Variants in LCLAT1 observed in about 807,000 individuals in gnomAD.
LCLAT1 encodes the protein lysocardiolipin acyltransferase 1, also known as 1-AGP acyltransferase 8.
LCLAT1 carries 11 observed loss-of-function variants against 30.7 expected under a neutral mutation model. That is an observed-to-expected ratio of 0.36 (90% CI 0.23 to 0.59). The LOEUF is 0.59. Among genes scored for constraint, LCLAT1 ranks in the 20% least tolerant of loss-of-function variants. The pLI is 0.77. For synonymous variants in LCLAT1, 155 were observed against 151.3 expected (o/e 1.02, Z -0.18); for missense variants, 402 against 458.6 (o/e 0.88, Z 1.13).
chr2:30,636,634 T>C (rs1161718854), intron 5 of LCLAT1, among the ~76,000 whole-genome samples: 4 of 152,076 alleles, frequency 2.6e-5, no homozygotes. Context: ...ACTTGCCATC[T>C]CAAAACTTGC....
Position 30,525,625 on chromosome 2 carries a change from C to T in LCLAT1, c.35C>T (p.Thr12Ile), listed in dbSNP as rs140002108. 1.7e-5 allele frequency: 28 copies of T among 1,613,828 alleles called. No homozygotes were observed. In the African/African-American group the frequency reaches 3.6e-4, roughly 21 times the overall value. Residue 12 changes from threonine to isoleucine, a missense_variant, in exon 2 of 6, where the codon ACT (threonine) becomes ATT (isoleucine). Transcript: ENST00000379509. ...TGGAAAGGGATTTACTTTATACTGA[C>T]TCTGTTTTGGGGAAGCTTTTTTGGA... ...VSWKGIYFIL[T>I]LFWGSFFGSI...
At chr2:30,513,877 T>C (rs1386361416) in intron 1 of LCLAT1, among the ~76,000 whole-genome samples, 1 of 152,244 alleles carries the variant, frequency 6.6e-6, no homozygotes, top group Non-Finnish European at 1.5e-5. Context: ...ATCTTACATG[T>C]GTTGATTGAT....
intron 3 of LCLAT1, among the ~76,000 whole-genome samples, chr2:30,547,152 A>G (rs777423425): frequency 2.0e-5 from 3 of 152,180 alleles, no homozygotes; most frequent in African/African-American, 7.2e-5. Context: ...CCTGGAATGA[A>G]TCTCTGCAGC....
At chr2:30,498,076 GA>G (rs1271278284) in intron 1 of LCLAT1, among the ~76,000 whole-genome samples, 1 of 152,168 alleles carries the variant, frequency 6.6e-6, no homozygotes, top group Non-Finnish European at 1.5e-5. Context: ...TCACGACCAA[GA>G]AAATTAAGGA....
intron 1 of LCLAT1, among the ~76,000 whole-genome samples, chr2:30,503,506 A>G (rs1419929355): frequency 6.6e-6 from 1 of 152,204 alleles, no homozygotes; most frequent in African/African-American, 2.4e-5. Flanking sequence ...GGTGGAGTAT[A>G]CTAGAGTTAC....
chr2:30,552,669 A>G lies in LCLAT1; in HGVS notation c.365-9477A>G, dbSNP rs529000729. On this transcript the variant is annotated intron_variant, in intron 3 of 5. Transcript: ENST00000379509. ...TGTAATGTGAGTTCAGAAAAGATAG[A>G]TCTTCCTTAACTTTATCTATCCAGC... 362 of 292,492 alleles carry G rather than the reference A, an allele frequency of 1.2e-3. 8 individuals carry two copies. The highest frequency in any genetic ancestry group is 9.4e-3 in the South Asian group (323 of 34,434). 18.1% of individuals were successfully genotyped at this position (292,492 alleles called of 1,614,324 possible).
chr2:30,521,489 C>CTTTTTTTTTTTTTTTTTTTTTTTTTTT (rs1262784785), intron 1 of LCLAT1, among the ~76,000 whole-genome samples: 2 of 55,560 alleles, frequency 3.6e-5, no homozygotes, highest in Admixed American at 2.3e-4. Flanking sequence ...TAAACTACTT[C>CTTTTTTTTTTTTTTTTTTTTTTTTTTT]TTCTTTTTTT....
At chr2:30,496,271 G>A (rs958663200) in intron 1 of LCLAT1, among the ~76,000 whole-genome samples, 1 of 152,166 alleles carries the variant, frequency 6.6e-6, no homozygotes, top group Non-Finnish European at 1.5e-5. Context: ...AGATTTGGGT[G>A]GGGACACAGA....
At chr2:30,454,737 C>T (rs1681739409) in intron 1 of LCLAT1, among the ~76,000 whole-genome samples, 1 of 152,098 alleles carries the variant, frequency 6.6e-6, no homozygotes, top group Non-Finnish European at 1.5e-5. Flanking sequence ...GCGTGAGCCA[C>T]TGCACGTGGC....
intron 5 of LCLAT1, among the ~76,000 whole-genome samples, chr2:30,633,868 C>T (rs1243632456): frequency 1.3e-5 from 2 of 152,182 alleles, no homozygotes; most frequent in African/African-American, 2.4e-5. Flanking sequence ...GATTTCTTCA[C>T]TGTACTATGC....
intron 1 of LCLAT1, 42 bp from the exon 2 acceptor site, chr2:30,525,545 A>C: frequency 6.7e-7 from 1 of 1,492,602 alleles, no homozygotes; most frequent in Non-Finnish European, 9.3e-7. Context: ...TCGAGCCGTT[A>C]AATGTATAGT....
chr2:30,504,901 A>G lies in LCLAT1; in HGVS notation c.-4-20686A>G, dbSNP rs1364571332. ...TGTGCATTTGTAATTATTTATATAA[A>G]CCATATGGCATTAAGCCTTTTGGGG... On this transcript the variant is annotated intron_variant, in intron 1 of 5. Transcript: ENST00000379509. 2.0e-5 allele frequency among the ~76,000 whole-genome samples: 3 copies of G among 152,146 alleles called. No individual in the cohort carries two copies. In the East Asian group the frequency reaches 5.8e-4, roughly 29 times the overall value.
intron 1 of LCLAT1, among the ~76,000 whole-genome samples, chr2:30,495,909 G>C (rs1297253895): frequency 6.6e-6 from 1 of 151,994 alleles, no homozygotes; most frequent in African/African-American, 2.4e-5. Flanking sequence ...AATATATTGG[G>C]GTCTGTATTA....
At chr2:30,580,090 G>A (rs573081623) in intron 5 of LCLAT1, among the ~76,000 whole-genome samples, 1 of 152,250 alleles carries the variant, frequency 6.6e-6, no homozygotes, top group East Asian at 1.9e-4. Context: ...ATGGCATATA[G>A]TAGGAAAAGA....
At chr2:30,621,987 C>G (rs1177864220) in intron 5 of LCLAT1, among the ~76,000 whole-genome samples, 3 of 152,162 alleles carry the variant, frequency 2.0e-5, no homozygotes, top group Non-Finnish European at 4.4e-5. Context: ...CCTGAAAGCC[C>G]TGCTTGCTTT....
intron 1 of LCLAT1, among the ~76,000 whole-genome samples, chr2:30,453,576 T>C (rs890924273): frequency 4.6e-5 from 7 of 152,212 alleles, no homozygotes; most frequent in African/African-American, 1.7e-4. Flanking sequence ...CTAAACTCGA[T>C]CATTTTTGGA....
At chr2:30,563,423 G>A (rs1665332761) in intron 4 of LCLAT1, among the ~76,000 whole-genome samples, 1 of 152,164 alleles carries the variant, frequency 6.6e-6, no homozygotes, top group African/African-American at 2.4e-5. Flanking sequence ...GATGGTGGGG[G>A]CATAGCTTAG....
intron 5 of LCLAT1, among the ~76,000 whole-genome samples, chr2:30,582,175 T>TTTTCCCCC (rs1666236266): frequency 6.6e-6 from 1 of 151,938 alleles, no homozygotes; most frequent in Non-Finnish European, 1.5e-5. Context: ...CTGTTTCTCC[T>TTTTCCCCC]TTTCCCCCTT....
At chr2:30,630,076 C>G (rs1481793146) in intron 5 of LCLAT1, among the ~76,000 whole-genome samples, 1 of 152,136 alleles carries the variant, frequency 6.6e-6, no homozygotes, top group Non-Finnish European at 1.5e-5. Flanking sequence ...AGACCAAGAT[C>G]ATGTGTTGGC....
Sources: allele counts gnomAD v4.1 joint callset (sites outside exome capture counted in the v4.1 genomes callset), GRCh38; gene constraint gnomAD v4.1.1; transcripts MANE v1.5; gene names NCBI Gene and HGNC (gene_info 2026-07-23, HGNC 2026-07-21).